The following RASA2 variants were observed in gnomAD, a reference collection of about 807,000 sequenced individuals.
The protein encoded by RASA2 is ras GTPase-activating protein 2.
Under a neutral mutation model 118.2 loss-of-function variants are expected in RASA2, and 155 were observed. The observed-to-expected ratio is 1.31, with a 90% CI of 1.15 to 1.50. The LOEUF is 1.50. Among genes scored for constraint, RASA2 ranks in the 40% most tolerant of loss-of-function variants. The pLI is 0.00. For synonymous variants in RASA2, 353 were observed against 349.1 expected (o/e 1.01, Z -0.12); for missense variants, 1,016 against 1,009.6 (o/e 1.01, Z -0.09).
intron 17 of RASA2, among the ~76,000 whole-genome samples, chr3:141,583,192 A>T (rs2083143423): frequency 6.6e-6 from 1 of 152,016 alleles, no homozygotes. Context: ...GGGAGGCCGA[A>T]GCGGGCAGAT....
chr3:141,509,600 T>TA (rs923269759), intron 1 of RASA2, among the ~76,000 whole-genome samples: 1 of 151,886 alleles, frequency 6.6e-6, no homozygotes, highest in Admixed American at 6.6e-5. Flanking sequence ...GACTTTCGTT[T>TA]AAAAAAAAGT....
chr3:141,586,366 G>A (rs191307424), intron 18 of RASA2, among the ~76,000 whole-genome samples: 1 of 152,166 alleles, frequency 6.6e-6, no homozygotes, highest in East Asian at 1.9e-4. Flanking sequence ...AGCACTATTA[G>A]TCTTAATGTA....
At chr3:141,495,849 C>T (rs573704335) in intron 1 of RASA2, among the ~76,000 whole-genome samples, 9 of 152,228 alleles carry the variant, frequency 5.9e-5, no homozygotes, top group East Asian at 3.9e-4. Context: ...TGTTCATACA[C>T]GTATTCTATA....
intron 9 of RASA2, among the ~76,000 whole-genome samples, chr3:141,567,816 G>A (rs2082845743): frequency 6.6e-6 from 1 of 152,294 alleles, no homozygotes; most frequent in Non-Finnish European, 1.5e-5. Flanking sequence ...TTGAACAATT[G>A]TATAAACAGA....
At chr3:141,562,338 A>C (rs1480864806) in intron 9 of RASA2, among the ~76,000 whole-genome samples, 1 of 150,674 alleles carries the variant, frequency 6.6e-6, no homozygotes, top group Non-Finnish European at 1.5e-5. Flanking sequence ...AAAAAAAAGA[A>C]ATAGGCCTGG....
Position 141,558,910 on chromosome 3 carries a change from A to G in RASA2, c.709A>G (p.Arg237Gly). 6.2e-7 allele frequency: 1 copy of G among 1,606,882 alleles called. No individual in the cohort carries two copies. Residue 237 changes from arginine (R) to glycine (G), a missense_variant, in exon 8 of 24, where the codon AGA (arginine) becomes GGA (glycine). Arg to Gly is a moderately radical substitution (Grantham distance 125). Coordinates refer to ENST00000286364, the MANE Select transcript of RASA2 (RefSeq NM_006506.5). ...FEVTRSSSYT[R>G]KSQFQVEEED... ...GGTAACCAGATCCAGTAGTTACACC[A>G]GAAAGTCCCAGTTCCAGGTAGAAGA...
chr3:141,554,015 C>G (rs373262397), intron 6 of RASA2, 75 bp downstream of exon 6: 1 of 1,517,630 alleles, frequency 6.6e-7, no homozygotes, highest in Non-Finnish European at 8.8e-7. Flanking sequence ...TAAGATTCTA[C>G]GAGCAAATGA....
intron 1 of RASA2, among the ~76,000 whole-genome samples, chr3:141,504,744 C>CA (rs1441280429): frequency 1.3e-5 from 2 of 151,998 alleles, no homozygotes; most frequent in East Asian, 3.8e-4. Flanking sequence ...ATCTGACACA[C>CA]AAAAAAAGCC....
intron 18 of RASA2, 88 bp from the exon 19 acceptor site, chr3:141,586,558 C>A: frequency 1.2e-6 from 1 of 817,656 alleles, no homozygotes; most frequent in Non-Finnish European, 1.9e-6. Flanking sequence ...CACTACTATT[C>A]ATGTCATTTA....
intron 1 of RASA2, among the ~76,000 whole-genome samples, chr3:141,507,388 C>T (rs959602990): frequency 1.3e-5 from 2 of 152,180 alleles, no homozygotes; most frequent in Admixed American, 1.3e-4. Context: ...AAATTGTTGA[C>T]AAGGCTGAAG....
chr3:141,599,202 A>G (rs2083423857), intron 19 of RASA2, among the ~76,000 whole-genome samples: 1 of 148,416 alleles, frequency 6.7e-6, no homozygotes, highest in Non-Finnish European at 1.5e-5. Context: ...GAGACATGTC[A>G]TGTTTGTGGA....
At chr3:141,571,266 C>G in intron 10 of RASA2, 140 bp from the exon 11 acceptor site, 2 of 1,303,118 alleles carry the variant, frequency 1.5e-6, no homozygotes, top group Non-Finnish European at 2.1e-6. Context: ...ACAATCATCT[C>G]TGATAAAAAA....
At chr3:141,506,931 A>C (rs1157947582) in intron 1 of RASA2, among the ~76,000 whole-genome samples, 1 of 151,704 alleles carries the variant, frequency 6.6e-6, no homozygotes, top group Non-Finnish European at 1.5e-5. Context: ...AAAAAAAAAA[A>C]AGAAAAAGAA....
intron 1 of RASA2, among the ~76,000 whole-genome samples, chr3:141,503,365 G>C (rs2081813787): frequency 6.6e-6 from 1 of 152,064 alleles, no homozygotes; most frequent in Non-Finnish European, 1.5e-5. Flanking sequence ...TGGAATTTTT[G>C]TCCTAGATAA....
Position 141,612,557 on chromosome 3 carries a change from C to T in RASA2, c.*244C>T. 1 of 375,900 alleles carries T rather than the reference C, an allele frequency of 2.7e-6. No homozygotes were observed. The highest frequency in any genetic ancestry group is 4.9e-5 in the East Asian group (1 of 20,410). 23.3% of individuals were successfully genotyped at this position (375,900 alleles called of 1,614,324 possible). ...CTGTGTGACCAAATCCATGTTTCTG[C>T]AACTTCTTTTTAATCGAAAGAATCT... On this transcript the variant is annotated 3_prime_UTR_variant, in exon 24 of 24. Transcript: ENST00000286364.
chr3:141,503,117 A>G (rs905653281), intron 1 of RASA2, among the ~76,000 whole-genome samples: 3 of 152,066 alleles, frequency 2.0e-5, no homozygotes, highest in African/African-American at 4.8e-5. Flanking sequence ...AATATTTAAC[A>G]CTGTCTTGGA....
chr3:141,554,041 AACAC>A lies in RASA2; in HGVS notation c.611+105_611+108del, dbSNP rs1157831956. 2.1e-6 allele frequency: 3 copies of A among 1,453,940 alleles called. No individual in the cohort carries two copies. In the African/African-American group the frequency reaches 4.3e-5, roughly 21 times the overall value. The allele number at this position is 1,453,940 out of a possible 1,614,324, so 90.1% of individuals were successfully genotyped here. ...GAGCAAATGATAAATAGCTATTTAT[AACAC>A]ACAGTAATAAATGCTTTGAAAGAAA... On this transcript the variant is annotated intron_variant, in intron 6 of 23. Transcript: ENST00000286364.
At chr3:141,506,714 AC>A (rs1195654521) in intron 1 of RASA2, among the ~76,000 whole-genome samples, 1 of 139,046 alleles carries the variant, frequency 7.2e-6, no homozygotes, top group South Asian at 2.3e-4. Flanking sequence ...GGAGTTCAAG[AC>A]CAGCCTGGGC....
rs911542997 is a variant in RASA2, at chr3:141,553,750, G to A, written c.528-107G>A. On this transcript the variant is annotated intron_variant, in intron 5 of 23. Transcript: ENST00000286364. ...TATAGCCATACAACTGCAGACACAT[G>A]GAAAACAATTCTTAACCTTTTGAAT... is the stretch of plus-strand genomic sequence containing the variant. The A allele has an allele frequency of 1.3e-5, 19 of 1,488,664 alleles. No homozygotes were observed. The African/African-American group carries it at 2.5e-4, about 20-fold the overall frequency. 92.2% of individuals were successfully genotyped at this position (1,488,664 alleles called of 1,614,324 possible).
Sources: gnomAD v4.1 joint callset for allele counts (sites outside exome capture counted in the v4.1 genomes callset) on GRCh38, gnomAD v4.1.1 for gene constraint, MANE v1.5 for transcripts, NCBI Gene and HGNC (gene_info 2026-07-23, HGNC 2026-07-21) for gene names.